KRT73: variants seen among roughly 807,000 people sequenced by gnomAD.
KRT73 encodes keratin 73.
A neutral mutation model predicts 47.2 loss-of-function variants in KRT73; 44 were observed. The observed-to-expected ratio is 0.93, with a 90% CI of 0.73 to 1.20. KRT73 has a LOEUF of 1.20. Among genes scored for constraint, KRT73 ranks in the 50% most tolerant of loss-of-function variants. KRT73 has a pLI of 0.00. For missense variants in KRT73, 713 were observed against 704.5 expected (o/e 1.01, Z -0.14); for synonymous variants, 285 against 291.3 (o/e 0.98, Z 0.22).
rs201634401 is a variant in KRT73, at chr12:52,616,248, G to C, written c.580C>G (p.Leu194Val). Residue 194 changes from leucine (L) to valine (V), a missense_variant, in exon 2 of 9, where the codon CTG (leucine) becomes GTG (valine). Transcript: ENST00000305748. ...ACCCTGTCCCCAGACAGCGTCTCCA[G>C]CTGCTTCCGCAGGTTGCTGATGTAG... is the stretch of plus-strand genomic sequence containing the variant. ...EGYISNLRKQ[L>V]ETLSGDRVRL... 3.2e-5 allele frequency: 51 copies of C among 1,614,200 alleles called. No individual in the cohort carries two copies. The East Asian group carries it at 1.0e-3, about 32-fold the overall frequency.
the KRT73 span, among the ~76,000 whole-genome samples, chr12:52,630,373 A>G: frequency 6.6e-6 from 1 of 152,046 alleles, no homozygotes; most frequent in Non-Finnish European, 1.5e-5. Context: ...AGCTCCTGGT[A>G]CTCACAGAGC....
the KRT73 span, among the ~76,000 whole-genome samples, chr12:52,630,023 A>C: frequency 6.6e-6 from 1 of 152,110 alleles, no homozygotes; most frequent in Non-Finnish European, 1.5e-5. Context: ...GGAAAACTAT[A>C]ACTTGTCTCC....
intron 3 of KRT73, 97 bp downstream of exon 3, chr12:52,615,182 A>G: frequency 9.7e-7 from 1 of 1,027,862 alleles, no homozygotes; most frequent in South Asian, 1.5e-5. Flanking sequence ...CTTTGGCTCC[A>G]GGCCCTTCTG....
intron 1 of KRT73, among the ~76,000 whole-genome samples, chr12:52,617,002 T>C (rs898083881): frequency 3.9e-5 from 6 of 152,148 alleles, no homozygotes; most frequent in African/African-American, 1.4e-4. Context: ...CCTCAGGTGG[T>C]TCCACATCAC....
chr12:52,626,723 G>A, the KRT73 span, among the ~76,000 whole-genome samples: 89 of 152,296 alleles, frequency 5.8e-4, no homozygotes, highest in Non-Finnish European at 1.1e-3. Flanking sequence ...TGCTAGGTAA[G>A]CAAGCATTCT....
chr12:52,609,332 T>C (rs1319131006), intron 7 of KRT73, 51 bp from the exon 8 acceptor site: 1 of 1,483,754 alleles, frequency 6.7e-7, no homozygotes, highest in Non-Finnish European at 9.4e-7. Flanking sequence ...ACTCCCATAG[T>C]GGCCCTCACT....
rs372634899 is a variant in KRT73, at chr12:52,608,465, G to A, written c.1367-13C>T. On this transcript the variant is annotated splice_polypyrimidine_tract_variant and intron_variant, in intron 8 of 8. Coordinates refer to ENST00000305748, the MANE Select transcript of KRT73 (RefSeq NM_175068.3). Reference sequence around the variant, plus strand: ...CTGTTGATGACCGCTGCAGAGGAGGGAGGGACGAGTGATCAGTGTATATCC... The same window carrying A: ...CTGTTGATGACCGCTGCAGAGGAGGAAGGGACGAGTGATCAGTGTATATCC... The A allele has an allele frequency of 3.7e-6, 6 of 1,600,136 alleles. No individual in the cohort carries two copies. Among genetic ancestry groups the A allele is most frequent in the Non-Finnish European group, 5.1e-6 (6 of 1,175,550 alleles).
upstream of KRT73, among the ~76,000 whole-genome samples, chr12:52,623,510 G>A (rs533898084): frequency 6.6e-6 from 1 of 151,982 alleles, no homozygotes; most frequent in Non-Finnish European, 1.5e-5. Context: ...AATGATAAAA[G>A]AAGACAACTT....
chr12:52,611,956 A>T (rs1325524807), intron 5 of KRT73, among the ~76,000 whole-genome samples: 1 of 152,160 alleles, frequency 6.6e-6, no homozygotes, highest in Non-Finnish European at 1.5e-5. Flanking sequence ...GTCTCCCCAC[A>T]CTGTAGTGTA....
At chr12:52,614,550 A>C in intron 4 of KRT73, 29 bp downstream of exon 4, 1 of 1,583,114 alleles carries the variant, frequency 6.3e-7, no homozygotes, top group Non-Finnish European at 8.7e-7. Context: ...CAGAAGACAG[A>C]GCCAGAGGTG....
rs659436 is a variant in KRT73 at position 52,618,238 on chromosome 12, G to A, written c.287C>T (p.Pro96Leu). 2,393 of 1,614,136 alleles carry A rather than the reference G, an allele frequency of 1.5e-3. 32 individuals carry two copies. In the African/African-American group the frequency reaches 0.028, roughly 19 times the overall value. Residue 96 changes from proline to leucine, a missense_variant, in exon 1 of 9, where the codon CCG becomes CTG. Physicochemically the swap from Pro to Leu is moderately conservative, Grantham distance 98. Transcript: ENST00000305748. ...FGSVALGSVCPSLCPPGGIHQ... is the reference protein window; with the variant it reads ...FGSVALGSVCLSLCPPGGIHQ... ...GATACCCCCGGGCGGGCACAACGAC[G>A]GACACACGGACCCCAAGGCCACACT...
intron 7 of KRT73, among the ~76,000 whole-genome samples, 189 bp from the exon 8 acceptor site, chr12:52,609,470 C>T (rs1250362938): frequency 6.6e-6 from 1 of 152,200 alleles, no homozygotes; most frequent in Non-Finnish European, 1.5e-5. Flanking sequence ...TCTACTCTTC[C>T]CACTGCAGAG....
chr12:52,615,500 A>G (rs1940797357), intron 2 of KRT73, among the ~76,000 whole-genome samples, 161 bp from the exon 3 acceptor site: 1 of 152,210 alleles, frequency 6.6e-6, no homozygotes, highest in African/African-American at 2.4e-5. Context: ...CTATTTGGCC[A>G]GAGTTGGAGG....
At chr12:52,610,537 C>G in intron 7 of KRT73, 78 bp downstream of exon 7, 1 of 173,422 alleles carries the variant, frequency 5.8e-6, no homozygotes, top group Non-Finnish European at 1.2e-5. Context: ...CCGCCCCCTC[C>G]CCCCCGCCCC....
the KRT73 span, among the ~76,000 whole-genome samples, chr12:52,623,781 T>C: frequency 6.6e-6 from 1 of 152,086 alleles, no homozygotes; most frequent in African/African-American, 2.4e-5. Context: ...ATAAGTTATG[T>C]ATATATAATA....
At chr12:52,629,138 C>G in the KRT73 span, among the ~76,000 whole-genome samples, 1 of 152,232 alleles carries the variant, frequency 6.6e-6, no homozygotes, top group Non-Finnish European at 1.5e-5. Context: ...ATGGTGCCCC[C>G]TCTCAGGAAG....
rs903211900 is a variant in KRT73 at position 52,613,679 on chromosome 12, C to T, written c.984+9G>A. Reference sequence around the variant, plus strand: ...GCATACTTCACTATGGGGAGTTTTGCGGCCTCACCTTGGTCTGGTACAGGG... The same window carrying T: ...GCATACTTCACTATGGGGAGTTTTGTGGCCTCACCTTGGTCTGGTACAGGG... On this transcript the variant is annotated intron_variant, in intron 5 of 8. Transcript: ENST00000305748. 1.2e-5 allele frequency: 19 copies of T among 1,613,522 alleles called. No homozygotes were observed. The highest frequency in any genetic ancestry group is 1.5e-5 in the Non-Finnish European group (18 of 1,179,700).
chr12:52,614,658 T>C lies in KRT73; in HGVS notation c.740A>G (p.Tyr247Cys), dbSNP rs752740159. 3.7e-5 allele frequency: 60 copies of C among 1,613,808 alleles called. No individual in the cohort carries two copies. Among genetic ancestry groups the C allele is most frequent in the Non-Finnish European group, 3.4e-5 (40 of 1,179,874 alleles). ...VVLKKDVDAAYTSKVELQAKV... is the reference protein window; with the variant it reads ...VVLKKDVDAACTSKVELQAKV... ...GGCCTGCAGCTCCACTTTGCTCGTG[T>C]AAGCTGCGTCCACGTCCTATGGAGA... Residue 247 changes from tyrosine (Y) to cysteine (C), a missense_variant, in exon 4 of 9, where the codon TAC becomes TGC. Tyr to Cys is a radical substitution (Grantham distance 194). Transcript: ENST00000305748.
the KRT73 span, among the ~76,000 whole-genome samples, chr12:52,624,157 C>T: frequency 6.6e-6 from 1 of 151,776 alleles, no homozygotes; most frequent in Non-Finnish European, 1.5e-5. Flanking sequence ...CAGAGAGAGA[C>T]AGTGTATAAT....
Sources: gnomAD v4.1 joint callset for allele counts (sites outside exome capture counted in the v4.1 genomes callset) on GRCh38, gnomAD v4.1.1 for gene constraint, MANE v1.5 for transcripts, NCBI Gene and HGNC (gene_info 2026-07-23, HGNC 2026-07-21) for gene names.